The following MED13L variants were observed in gnomAD, a reference collection of about 807,000 sequenced individuals.
MED13L encodes mediator of RNA polymerase II transcription subunit 13-like.
A neutral mutation model predicts 220.9 loss-of-function variants in MED13L; 7 were observed. The ratio of observed to expected loss-of-function variants is 0.03; its 90% confidence interval spans 0.02 to 0.06. The LOEUF (loss-of-function observed/expected upper bound fraction) is 0.06, where lower values mean the gene tolerates loss of function less well. Ranked by LOEUF, MED13L falls within the 10% of genes least tolerant of loss-of-function variation. MED13L has a pLI of 1.00. For synonymous variants in MED13L, 1,011 were observed against 1,015.2 expected, an observed-to-expected ratio of 1.00 and a Z score of 0.08; for missense variants, 1,965 against 2,760.5, an observed-to-expected ratio of 0.71 and a Z score of 6.46.
chr12:116,073,910 G>A (rs561407640), intron 4 of MED13L, among the ~76,000 whole-genome samples: 4 of 152,106 alleles, frequency 2.6e-5, no homozygotes, highest in Non-Finnish European at 5.9e-5. Context: ...TCTTTTCAAC[G>A]TAAGATTCAT....
intron 2 of MED13L, among the ~76,000 whole-genome samples, chr12:116,175,539 G>T (rs1879988083): frequency 6.6e-6 from 1 of 152,178 alleles, no homozygotes; most frequent in Non-Finnish European, 1.5e-5. Context: ...ATGGAGTTCA[G>T]TTTCTGAACC....
At chr12:116,215,087 G>A (rs1882915059) in intron 2 of MED13L, among the ~76,000 whole-genome samples, 1 of 152,090 alleles carries the variant, frequency 6.6e-6, no homozygotes, top group South Asian at 2.1e-4. Flanking sequence ...CCTTTTAAAT[G>A]TCCCAATAAA....
Position 115,994,783 on chromosome 12 carries a change from C to T in MED13L, c.2996+1693G>A, listed in dbSNP as rs142192445. 1.7e-3 allele frequency among the ~76,000 whole-genome samples: 258 copies of T among 152,306 alleles called. 2 individuals carry two copies. The highest frequency in any genetic ancestry group is 2.5e-3 in the Admixed American group (38 of 15,308). On this transcript the variant is annotated intron_variant, in intron 16 of 30. Coordinates refer to ENST00000281928, the MANE Select transcript of MED13L (RefSeq NM_015335.5). ...TTGTGCCAGGATCTAGCTGAGTAAGCTAGAGTACAATCGGAGCACAGCAGC... is the reference window on the plus strand; with the variant it reads ...TTGTGCCAGGATCTAGCTGAGTAAGTTAGAGTACAATCGGAGCACAGCAGC...
At chr12:115,969,232 G>A in intron 27 of MED13L, 135 bp from the exon 28 acceptor site, 1 of 982,430 alleles carries the variant, frequency 1.0e-6, no homozygotes, top group South Asian at 1.5e-5. Flanking sequence ...TAATAACTTA[G>A]ATTCAGTTAG....
intron 3 of MED13L, among the ~76,000 whole-genome samples, chr12:116,104,213 T>C (rs1593048196): frequency 2.0e-5 from 3 of 152,078 alleles, no homozygotes; most frequent in African/African-American, 7.2e-5. Flanking sequence ...TTTCATCATG[T>C]TGGTCAGGGT....
intron 1 of MED13L, among the ~76,000 whole-genome samples, chr12:116,240,875 T>C (rs935607936): frequency 3.3e-5 from 5 of 151,302 alleles, no homozygotes; most frequent in Non-Finnish European, 7.4e-5. Flanking sequence ...TCTTTAAACA[T>C]CAAAGAAGGA....
chr12:116,135,215 T>G (rs1876433138), intron 2 of MED13L, among the ~76,000 whole-genome samples: 1 of 152,038 alleles, frequency 6.6e-6, no homozygotes, highest in East Asian at 1.9e-4. Flanking sequence ...ATAATCTCTA[T>G]GGGTAGGTTA....
At chr12:116,163,659 A>C (rs1565907467) in intron 2 of MED13L, among the ~76,000 whole-genome samples, 1 of 152,196 alleles carries the variant, frequency 6.6e-6, no homozygotes, top group Non-Finnish European at 1.5e-5. Flanking sequence ...GCCAAGGTGA[A>C]GAATTTTTAA....
chr12:116,146,861 C>G (rs1877567971), intron 2 of MED13L, among the ~76,000 whole-genome samples: 1 of 151,732 alleles, frequency 6.6e-6, no homozygotes, highest in Non-Finnish European at 1.5e-5. Flanking sequence ...GAGCAAGGCT[C>G]TGTCTCAAAA....
intron 29 of MED13L, 97 bp from the exon 30 acceptor site, chr12:115,963,616 G>T: frequency 1.2e-6 from 1 of 868,498 alleles, no homozygotes; most frequent in Non-Finnish European, 1.9e-6. Flanking sequence ...GCTCCCAAAA[G>T]TCCGTAGAAG....
chr12:116,246,977 A>G (rs982607575), intron 1 of MED13L, among the ~76,000 whole-genome samples: 1 of 151,756 alleles, frequency 6.6e-6, no homozygotes, highest in Non-Finnish European at 1.5e-5. Flanking sequence ...TTAAAAGGGC[A>G]TCTGCTTTGT....
At chr12:116,050,462 T>C (rs1190411574) in intron 4 of MED13L, among the ~76,000 whole-genome samples, 1 of 152,180 alleles carries the variant, frequency 6.6e-6, no homozygotes, top group African/African-American at 2.4e-5. Flanking sequence ...GACACTCTAA[T>C]AACCAGTGGC....
At chr12:116,158,153 A>G (rs1402720925) in intron 2 of MED13L, among the ~76,000 whole-genome samples, 35 of 146,570 alleles carry the variant, frequency 2.4e-4, no homozygotes, top group South Asian at 4.2e-4. Context: ...TTCAAGGGGA[A>G]AAAAAAAAAA....
intron 16 of MED13L, among the ~76,000 whole-genome samples, chr12:115,993,489 G>A (rs1227112373): frequency 6.6e-6 from 1 of 151,786 alleles, no homozygotes; most frequent in Non-Finnish European, 1.5e-5. Flanking sequence ...CAGCCTAAAA[G>A]TCCAAATCAG....
chr12:115,983,449 C>A lies in MED13L; in HGVS notation c.4623G>T (p.Thr1541=), dbSNP rs149358508. ...GAGCTAAGGGCCCAGCATTCCCTGG[C>A]GTAGCTTGTCCCTGTGCTGCTGCTG... ...TPPAAAQGQA[T]PGNAGPLAPN... The change falls in exon 21 of 31, where the codon ACG becomes ACT. Residue 1541 remains threonine, a synonymous_variant. Transcript: ENST00000281928. The A allele has an allele frequency of 1.9e-6, 3 of 1,614,050 alleles. 1 individual carries two copies. The highest frequency in any genetic ancestry group is 2.5e-6 in the Non-Finnish European group (3 of 1,180,030).
chr12:116,229,445 T>TA (rs1374111267), intron 2 of MED13L, among the ~76,000 whole-genome samples: 1 of 152,206 alleles, frequency 6.6e-6, no homozygotes, highest in African/African-American at 2.4e-5. Context: ...AACTTTTTTT[T>TA]ACCAATTCTT....
At chr12:116,214,010 A>C (rs542462212) in intron 2 of MED13L, among the ~76,000 whole-genome samples, 1 of 152,286 alleles carries the variant, frequency 6.6e-6, no homozygotes, top group South Asian at 2.1e-4. Flanking sequence ...CCCTTGAAAA[A>C]CTGTGAAGTA....
Position 116,274,942 on chromosome 12 carries a change from G to C in MED13L, c.72+2118C>G, listed in dbSNP as rs925549603. On this transcript the variant is annotated intron_variant, in intron 1 of 30. Coordinates refer to ENST00000281928, the MANE Select transcript of MED13L (RefSeq NM_015335.5). ...CTCCTACAAAATTGCTTCTCCAAAA[G>C]AATCTCAAGCATTTTATCTCTGTAA... Among the ~76,000 whole-genome samples, 36 of 145,994 alleles carry C rather than the reference G, an allele frequency of 2.5e-4. 1 individual carries two copies. Among genetic ancestry groups the C allele is most frequent in the African/African-American group, 7.9e-4 (31 of 39,458 alleles).
At chr12:116,220,128 C>G (rs1300512771) in intron 2 of MED13L, among the ~76,000 whole-genome samples, 1 of 152,106 alleles carries the variant, frequency 6.6e-6, no homozygotes, top group East Asian at 1.9e-4. Flanking sequence ...GCAAAACTAT[C>G]TGTAACACTG....
Sources: allele counts gnomAD v4.1 joint callset (sites outside exome capture counted in the v4.1 genomes callset), GRCh38; gene constraint gnomAD v4.1.1; transcripts MANE v1.5; gene names NCBI Gene and HGNC (gene_info 2026-07-23, HGNC 2026-07-21).